KCND2: variants seen among roughly 807,000 people sequenced by gnomAD.
KCND2 encodes the protein A-type voltage-gated potassium channel KCND2.
KCND2 carries 16 observed loss-of-function variants against 54.4 expected under a neutral mutation model. That is an observed-to-expected ratio of 0.29 (90% CI 0.20 to 0.45). The LOEUF (loss-of-function observed/expected upper bound fraction) is 0.45. Among genes scored for constraint, KCND2 ranks in the 20% least tolerant of loss-of-function variants. The pLI, the probability that KCND2 is intolerant of heterozygous loss-of-function variation, is 1.00. For missense variants in KCND2, 486 were observed against 824.2 expected (o/e 0.59, Z 5.02); for synonymous variants, 317 against 310.7 (o/e 1.02, Z -0.21).
At chr7:120,616,758 G>T (rs926553699) in intron 1 of KCND2, among the ~76,000 whole-genome samples, 7 of 152,148 alleles carry the variant, frequency 4.6e-5, no homozygotes, top group Non-Finnish European at 1.0e-4. Context: ...TGTGCCTTGT[G>T]TGTGTGTTAG....
intron 1 of KCND2, among the ~76,000 whole-genome samples, chr7:120,313,621 T>A (rs1344112375): frequency 6.6e-6 from 1 of 152,130 alleles, no homozygotes; most frequent in Non-Finnish European, 1.5e-5. Context: ...GCTGGGGCTG[T>A]GTTGAGTGCC....
chr7:120,567,651 CA>C (rs1792314412), intron 1 of KCND2, among the ~76,000 whole-genome samples: 1 of 152,120 alleles, frequency 6.6e-6, no homozygotes. Flanking sequence ...TTTATCCTCC[CA>C]GTATAAAACA....
intron 1 of KCND2, among the ~76,000 whole-genome samples, chr7:120,577,655 G>A (rs1406925186): frequency 6.6e-6 from 1 of 152,060 alleles, no homozygotes; most frequent in Non-Finnish European, 1.5e-5. Flanking sequence ...GTGCAATCTC[G>A]GCTCACTGCA....
intron 1 of KCND2, among the ~76,000 whole-genome samples, chr7:120,642,704 A>G (rs1034812048): frequency 6.6e-6 from 1 of 152,130 alleles, no homozygotes; most frequent in Non-Finnish European, 1.5e-5. Flanking sequence ...TTAAAATAAT[A>G]ATGAATATTT....
intron 1 of KCND2, among the ~76,000 whole-genome samples, chr7:120,431,590 G>A (rs1471041581): frequency 2.0e-5 from 3 of 152,140 alleles, no homozygotes; most frequent in Non-Finnish European, 4.4e-5. Flanking sequence ...TGTGTCAGAT[G>A]AGAAGGGATA....
chr7:120,392,440 T>G lies in KCND2; in HGVS notation c.1115+116693T>G, dbSNP rs181842482. 4.8e-3 allele frequency among the ~76,000 whole-genome samples: 698 copies of G among 144,398 alleles called. 3 individuals are homozygous for G. Among genetic ancestry groups the G allele is most frequent in the Non-Finnish European group, 6.6e-3 (430 of 65,316 alleles). 94.7% of individuals were successfully genotyped at this position (144,398 alleles called of 152,430 possible). A position where few individuals can be genotyped will look rare whatever the true frequency, so the allele number is the denominator to read the frequency against. ...ATAAAATTTAAAGTAGTTTTTTTTG[T>G]TTTTTTTTTTAGTTCTGTGATGAAG... On this transcript the variant is annotated intron_variant, in intron 1 of 5. Coordinates refer to ENST00000331113, the MANE Select transcript of KCND2 (RefSeq NM_012281.3).
chr7:120,519,331 A>G (rs1410772377), intron 1 of KCND2, among the ~76,000 whole-genome samples: 2 of 152,060 alleles, frequency 1.3e-5, no homozygotes, highest in African/African-American at 4.8e-5. Context: ...TGGATGACTG[A>G]GTGAGACTTT....
At chr7:120,534,033 G>A (rs1791873677) in intron 1 of KCND2, among the ~76,000 whole-genome samples, 1 of 152,036 alleles carries the variant, frequency 6.6e-6, no homozygotes. Flanking sequence ...TGAAAGTTTA[G>A]AAAATGGATA....
chr7:120,375,437 T>G (rs557813806), intron 1 of KCND2, among the ~76,000 whole-genome samples: 16 of 151,924 alleles, frequency 1.1e-4, no homozygotes, highest in Non-Finnish European at 1.9e-4. Flanking sequence ...ATACAGAATC[T>G]TTTTAGATCA....
chr7:120,532,551 G>A (rs1791855677), intron 1 of KCND2, among the ~76,000 whole-genome samples: 1 of 151,700 alleles, frequency 6.6e-6, no homozygotes, highest in African/African-American at 2.4e-5. Flanking sequence ...GATCAAGTTA[G>A]TACAACAAAA....
At chr7:120,452,797 C>T (rs534742222) in intron 1 of KCND2, among the ~76,000 whole-genome samples, 12 of 152,226 alleles carry the variant, frequency 7.9e-5, no homozygotes, top group South Asian at 4.1e-4. Context: ...TGATACCCAT[C>T]GCCCAAGGCT....
intron 1 of KCND2, among the ~76,000 whole-genome samples, chr7:120,384,295 AAGTTATACACATAACTTATT>A (rs1250642254): frequency 2.6e-5 from 4 of 152,056 alleles, no homozygotes; most frequent in African/African-American, 4.8e-5. Flanking sequence ...TATATCTAAG[AAGTTATACACATAACTTATT>A]AGTTATACAT....
At chr7:120,713,916 T>C (rs144850150) in intron 1 of KCND2, among the ~76,000 whole-genome samples, 399 of 152,308 alleles carry the variant, frequency 2.6e-3, no homozygotes, top group African/African-American at 8.7e-3. Flanking sequence ...AATTCAGATA[T>C]AGCAGATACA....
At chr7:120,463,133 G>A (rs1459287904) in intron 1 of KCND2, among the ~76,000 whole-genome samples, 1 of 152,006 alleles carries the variant, frequency 6.6e-6, no homozygotes, top group African/African-American at 2.4e-5. Flanking sequence ...CCACTTTTTA[G>A]ATGTATTCTT....
intron 1 of KCND2, among the ~76,000 whole-genome samples, chr7:120,374,099 C>T (rs1800803381): frequency 6.6e-6 from 1 of 151,688 alleles, no homozygotes; most frequent in Admixed American, 6.6e-5. Context: ...AGGTGGCCTA[C>T]AATTCCCTAT....
chr7:120,332,564 G>A (rs1340638089), intron 1 of KCND2, among the ~76,000 whole-genome samples: 1 of 152,060 alleles, frequency 6.6e-6, no homozygotes, highest in Non-Finnish European at 1.5e-5. Flanking sequence ...GGCTATTGAA[G>A]CCTTTATAGC....
Position 120,712,241 on chromosome 7 carries a change from A to ATTTT in KCND2, c.1116-20625_1116-20622dup, listed in dbSNP as rs869059871. On this transcript the variant is annotated intron_variant, in intron 1 of 5. Coordinates refer to ENST00000331113, the MANE Select transcript of KCND2 (RefSeq NM_012281.3). ...TTTTCTTTGAATTTTGGATATCTGA[A>ATTTT]TTTTTTTTTTTTTTTTTTTTTTTTT... is the stretch of plus-strand genomic sequence containing the variant. 2.5e-3 allele frequency among the ~76,000 whole-genome samples: 87 copies of ATTTT among 34,784 alleles called. 33 individuals are homozygous for ATTTT. Among genetic ancestry groups the ATTTT allele is most frequent in the East Asian group, 7.4e-3 (7 of 942 alleles). 22.8% of individuals were successfully genotyped at this position (34,784 alleles called of 152,430 possible).
chr7:120,702,888 G>T (rs560479718), intron 1 of KCND2, among the ~76,000 whole-genome samples: 16 of 151,974 alleles, frequency 1.1e-4, no homozygotes, highest in African/African-American at 3.6e-4. Flanking sequence ...CCCGTCACAG[G>T]TTTACCTATA....
rs374953255 is a variant in KCND2, at chr7:120,738,039, CATAAACT to C, written c.1279-3489_1279-3483del. Among the ~76,000 whole-genome samples, 567 of 152,052 alleles carry C rather than the reference CATAAACT, an allele frequency of 3.7e-3. 2 individuals carry two copies. The highest frequency in any genetic ancestry group is 0.013 in the African/African-American group (548 of 41,496). ...TTGACTTCCACCCTCTGTTCCACAA[CATAAACT>C]ATAAAGTTTATGTCACTTGGCGTAA... On this transcript the variant is annotated intron_variant, in intron 2 of 5. Coordinates refer to ENST00000331113, the MANE Select transcript of KCND2 (RefSeq NM_012281.3).
Sources: allele counts gnomAD v4.1 joint callset (sites outside exome capture counted in the v4.1 genomes callset), GRCh38; gene constraint gnomAD v4.1.1; transcripts MANE v1.5; gene names NCBI Gene and HGNC (gene_info 2026-07-23, HGNC 2026-07-21).